Variants in MTCL1 observed in about 807,000 individuals in gnomAD.
The protein encoded by MTCL1 is microtubule crosslinking factor 1.
Under a neutral mutation model 141.4 loss-of-function variants are expected in MTCL1, and 79 were observed. The observed-to-expected ratio is 0.56, with a 90% CI of 0.47 to 0.67. The LOEUF (loss-of-function observed/expected upper bound fraction) is 0.67, where lower values mean the gene tolerates loss of function less well. MTCL1 is among the 30% of genes least tolerant of loss of function. The pLI is 0.00. For missense variants in MTCL1, 2,177 were observed against 2,113.9 expected, an observed-to-expected ratio of 1.03 and a Z score of -0.59; for synonymous variants, 914 against 875.8, an observed-to-expected ratio of 1.04 and a Z score of -0.77.
intron 4 of MTCL1, among the ~76,000 whole-genome samples, chr18:8,774,917 C>T (rs1157611672): frequency 2.6e-5 from 4 of 152,022 alleles, no homozygotes; most frequent in Non-Finnish European, 5.9e-5. Context: ...AGGAGGATGG[C>T]AGGACTCAGG....
chr18:8,805,506 C>T (rs1407955510), intron 10 of MTCL1, among the ~76,000 whole-genome samples: 3 of 152,136 alleles, frequency 2.0e-5, no homozygotes, highest in Non-Finnish European at 4.4e-5. Context: ...TTAAATTCCT[C>T]CCATATATAC....
intron 4 of MTCL1, among the ~76,000 whole-genome samples, chr18:8,725,760 A>G (rs1363072595): frequency 5.6e-5 from 6 of 107,138 alleles, no homozygotes; most frequent in Non-Finnish European, 8.5e-5. Context: ...TGCGTTATGT[A>G]TTTTGGTGCC....
intron 4 of MTCL1, among the ~76,000 whole-genome samples, chr18:8,733,002 A>G (rs1464638191): frequency 2.6e-5 from 4 of 152,246 alleles, no homozygotes; most frequent in Non-Finnish European, 5.9e-5. Flanking sequence ...TGCCCAGGCA[A>G]AGCCGTGTTC....
rs976243625 is a variant in MTCL1 at position 8,720,487 on chromosome 18, A to T, written c.348A>T (p.Arg116Ser). Residue 116 changes from arginine to serine, a missense_variant, in exon 4 of 17, where the codon AGA becomes AGT. Transcript: ENST00000359865. The stretch of plus-strand genomic sequence containing the variant: ...AGGCCCTCCAGAATGAGCTGGAGAG[A>T]CTGAAAGAGGTAATCCAAAACTGTG... 1 of 1,613,840 alleles carries T rather than the reference A, an allele frequency of 6.2e-7. No homozygotes were observed.
At chr18:8,794,076 CTT>C (rs2075828883) in intron 8 of MTCL1, among the ~76,000 whole-genome samples, 1 of 152,196 alleles carries the variant, frequency 6.6e-6, no homozygotes, top group African/African-American at 2.4e-5. Flanking sequence ...ATGTATGACT[CTT>C]TTTAAGTGTT....
chr18:8,779,381 T>C lies in MTCL1; in HGVS notation c.417+1489T>C, dbSNP rs2096525085. 6.6e-6 allele frequency among the ~76,000 whole-genome samples: 1 copy of C among 152,132 alleles called. No individual in the cohort carries two copies. The highest frequency in any genetic ancestry group is 2.4e-5 in the African/African-American group (1 of 41,412). Reference sequence around the variant, plus strand: ...AATGATCTCTCGAAACCAGAAATGATATGCTTCAGTTTAGACTCGGCCTTG... The same window carrying C: ...AATGATCTCTCGAAACCAGAAATGACATGCTTCAGTTTAGACTCGGCCTTG... On this transcript the variant is annotated intron_variant, in intron 5 of 16. Coordinates refer to ENST00000359865, the Ensembl canonical transcript of MTCL1. This position sits in a 1 kb window ranked among gnomAD's most constrained non-coding sequence, Gnocchi z 4.1.
chr18:8,784,194 C>A (rs747997287), exon 6 of MTCL1: 10 of 1,613,714 alleles, frequency 6.2e-6, no homozygotes, highest in Non-Finnish European at 8.5e-6. Flanking sequence ...GAGAACCACG[C>A]GCTGCTGTCC....
Position 8,764,562 on chromosome 18 carries a change from C to T in MTCL1, c.358-13271C>T, listed in dbSNP as rs193106226. ...CGAACTCTTGACCTCAGGTGACCCA[C>T]CTGCCTCGGCCTCTCAAAGTGCTGG... On this transcript the variant is annotated intron_variant, in intron 4 of 16. Transcript: ENST00000359865. Among the ~76,000 whole-genome samples the T allele has an allele frequency of 5.3e-5, 8 of 152,306 alleles. No individual in the cohort carries two copies. In the East Asian group the frequency reaches 1.5e-3, roughly 29 times the overall value.
Position 8,783,872 on chromosome 18 carries a change from G to C in MTCL1, c.760G>C (p.Asp254His), listed in dbSNP as rs764291448. The change falls in exon 6 of 17, where the codon GAC (aspartate) becomes CAC (histidine). Residue 254 changes from aspartate to histidine, a missense_variant. By Grantham distance (81) the Asp-to-His change is moderately conservative. Transcript: ENST00000359865. ...GCAGGAGCGGGAGGGCCCGGGTCGGGACCACGCACCCAGCATTCCTACCTC... is the reference window on the plus strand; with the variant it reads ...GCAGGAGCGGGAGGGCCCGGGTCGGCACCACGCACCCAGCATTCCTACCTC... The C allele has an allele frequency of 5.0e-6, 8 of 1,613,018 alleles. No individual in the cohort carries two copies. In the African/African-American group the frequency reaches 5.3e-5, roughly 11 times the overall value.
intron 10 of MTCL1, among the ~76,000 whole-genome samples, chr18:8,799,276 A>T (rs1281295113): frequency 1.3e-5 from 2 of 152,268 alleles, no homozygotes; most frequent in African/African-American, 4.8e-5. Flanking sequence ...GCCCTGGCTC[A>T]GATCCAGATG....
At chr18:8,789,390 G>GT in intron 7 of MTCL1, 8 of 984,084 alleles carry the variant, frequency 8.1e-6, no homozygotes, top group Non-Finnish European at 8.4e-6. Flanking sequence ...TAATAGAGGA[G>GT]TAGCATTGCT....
intron 10 of MTCL1, among the ~76,000 whole-genome samples, chr18:8,798,887 A>C (rs1382060139): frequency 6.6e-6 from 1 of 152,218 alleles, no homozygotes; most frequent in Non-Finnish European, 1.5e-5. Context: ...TTGCATTTTT[A>C]TACCAAAATG....
intron 1 of MTCL1, among the ~76,000 whole-genome samples, chr18:8,709,229 G>A (rs142871514): frequency 8.6e-5 from 13 of 151,862 alleles, no homozygotes; most frequent in African/African-American, 2.7e-4. Context: ...GTCTTGCTCC[G>A]TGGCCCAGGC....
chr18:8,731,044 G>A (rs2096247623), intron 4 of MTCL1, among the ~76,000 whole-genome samples: 1 of 152,038 alleles, frequency 6.6e-6, no homozygotes, highest in Admixed American at 6.5e-5. Context: ...AGGAGATCAA[G>A]ACCATCCTGG....
At chr18:8,791,777 T>A (rs2075735474) in intron 7 of MTCL1, among the ~76,000 whole-genome samples, 2 of 152,196 alleles carry the variant, frequency 1.3e-5, no homozygotes. Context: ...ACTATAGTAG[T>A]CTCAAACAAC....
chr18:8,708,074 A>G (rs1195234613), intron 1 of MTCL1, among the ~76,000 whole-genome samples: 1 of 152,232 alleles, frequency 6.6e-6, no homozygotes, highest in Non-Finnish European at 1.5e-5. Context: ...GTGAAGTTCA[A>G]AGGCAACTAT....
chr18:8,813,314 C>T, intron 12 of MTCL1, 81 bp downstream of exon 11: 1 of 1,480,536 alleles, frequency 6.8e-7, no homozygotes, highest in African/African-American at 1.4e-5. Context: ...AAGCACTAGG[C>T]TGCTTCATGG....
rs1036095129 is a variant in MTCL1 at position 8,779,019 on chromosome 18, G to C, written c.417+1127G>C. Among the ~76,000 whole-genome samples the C allele has an allele frequency of 1.3e-5, 2 of 152,202 alleles. No individual in the cohort carries two copies. Among genetic ancestry groups the C allele is most frequent in the Non-Finnish European group, 2.9e-5 (2 of 68,028 alleles). On this transcript the variant is annotated intron_variant, in intron 5 of 16. Transcript: ENST00000359865. The surrounding 1 kb of genome is among the most constrained non-coding windows in gnomAD (Gnocchi z 4.1). ...CCAGCCGGTGGGATTATTGAGGAAG[G>C]AGTTTCTGTTCAGCAGAATGGTGGA...
chr18:8,803,929 G>A (rs1244681327), intron 10 of MTCL1, among the ~76,000 whole-genome samples: 1 of 152,184 alleles, frequency 6.6e-6, no homozygotes, highest in African/African-American at 2.4e-5. Context: ...GAACAGCATA[G>A]GCTGATACCA....
Sources: gnomAD v4.1 joint callset for allele counts (sites outside exome capture counted in the v4.1 genomes callset) on GRCh38, gnomAD v4.1.1 for gene constraint, Gnocchi (gnomAD v3.1) non-coding constraint, MANE v1.5 for transcripts, NCBI Gene and HGNC (gene_info 2026-07-23, HGNC 2026-07-21) for gene names.